The following CDKAL1 variants were observed in gnomAD, a reference collection of about 807,000 sequenced individuals.
CDKAL1 encodes the protein threonylcarbamoyladenosine tRNA methylthiotransferase.
In CDKAL1, 32 loss-of-function variants were observed where a neutral mutation model predicts 68.2. That is an observed-to-expected ratio of 0.47 (90% CI 0.35 to 0.63). CDKAL1 has a LOEUF of 0.63. CDKAL1 is among the 30% of genes least tolerant of loss of function. The probability of loss-of-function intolerance (pLI) is 0.00; values close to 1 mark genes in which losing one functional copy is unlikely to be tolerated. For missense variants in CDKAL1, 606 were observed against 696.7 expected (o/e 0.87, Z 1.47); for synonymous variants, 234 against 244.3 (o/e 0.96, Z 0.39).
intron 4 of CDKAL1, among the ~76,000 whole-genome samples, chr6:20,616,102 G>A (rs1320009028): frequency 1.1e-4 from 17 of 148,288 alleles, no homozygotes; most frequent in South Asian, 4.3e-4. Flanking sequence ...GATATGCGGC[G>A]TTATTTCTGA....
intron 5 of CDKAL1, among the ~76,000 whole-genome samples, chr6:20,666,553 T>C (rs889231391): frequency 6.6e-6 from 1 of 152,158 alleles, no homozygotes; most frequent in African/African-American, 2.4e-5. Flanking sequence ...ACAAATCTTA[T>C]GCCGTCTTAG....
chr6:20,891,662 GTATCTGGGACTACAGGCAT>G (rs1761409983), intron 9 of CDKAL1, among the ~76,000 whole-genome samples: 1 of 151,606 alleles, frequency 6.6e-6, no homozygotes, highest in African/African-American at 2.4e-5. Context: ...AGCCTCCCGA[GTATCTGGGACTACAGGCAT>G]GCGCCACCAT....
chr6:20,603,076 A>G (rs900428727), intron 4 of CDKAL1, among the ~76,000 whole-genome samples: 1 of 152,024 alleles, frequency 6.6e-6, no homozygotes, highest in African/African-American at 2.4e-5. Flanking sequence ...TTATTCAGTG[A>G]TTTTTCTTCC....
chr6:20,954,653 C>G (rs1393200625), intron 9 of CDKAL1, among the ~76,000 whole-genome samples: 1 of 151,712 alleles, frequency 6.6e-6, no homozygotes, highest in Non-Finnish European at 1.5e-5. Flanking sequence ...TTTTAAATAA[C>G]ATGAGGGGGA....
At chr6:20,692,114 A>T (rs1770896444) in intron 5 of CDKAL1, among the ~76,000 whole-genome samples, 1 of 152,182 alleles carries the variant, frequency 6.6e-6, no homozygotes, top group Non-Finnish European at 1.5e-5. Flanking sequence ...TTTACATAAG[A>T]TTACTATCTA....
intron 8 of CDKAL1, among the ~76,000 whole-genome samples, chr6:20,800,150 TTTTTC>T (rs55657338): frequency 3.3e-5 from 5 of 151,530 alleles, no homozygotes; most frequent in East Asian, 3.9e-4. Context: ...CTCAGCAGCC[TTTTTC>T]TTTTCTTTTC....
chr6:20,679,608 T>A (rs1770282069), intron 5 of CDKAL1, among the ~76,000 whole-genome samples: 1 of 152,244 alleles, frequency 6.6e-6, no homozygotes, highest in Non-Finnish European at 1.5e-5. Flanking sequence ...GATTCTTGTG[T>A]GTTAAAAACT....
At chr6:21,169,636 C>T (rs545189395) in intron 13 of CDKAL1, among the ~76,000 whole-genome samples, 6 of 152,184 alleles carry the variant, frequency 3.9e-5, no homozygotes, top group Middle Eastern at 6.8e-3. Flanking sequence ...GACTCTGTCT[C>T]AGAAGAAAAG....
At chr6:21,205,248 A>G (rs10456243) in intron 15 of CDKAL1, among the ~76,000 whole-genome samples, 72,351 of 151,986 alleles carry the variant, frequency 0.48, 17,947 homozygotes, top group African/African-American at 0.62. Context: ...TATGAATAAT[A>G]TTTGCTATGA....
intron 15 of CDKAL1, among the ~76,000 whole-genome samples, chr6:21,205,831 T>C (rs62404546): frequency 5.4e-5 from 2 of 37,126 alleles, no homozygotes; most frequent in East Asian, 7.2e-4. Flanking sequence ...GCGCCCAGCC[T>C]TTTTTTTTTT....
At chr6:20,880,111 T>C (rs1760733486) in intron 9 of CDKAL1, among the ~76,000 whole-genome samples, 1 of 152,202 alleles carries the variant, frequency 6.6e-6, no homozygotes, top group Non-Finnish European at 1.5e-5. Context: ...TTTTACTCTT[T>C]AGAATTATAT....
At chr6:21,020,257 T>C (rs945496218) in intron 11 of CDKAL1, among the ~76,000 whole-genome samples, 1 of 152,166 alleles carries the variant, frequency 6.6e-6, no homozygotes, top group Non-Finnish European at 1.5e-5. Context: ...ATGTATTTAA[T>C]GGCGGGGGCA....
At position 20,892,468 on chromosome 6, in the gene CDKAL1, G is replaced by C. The variant is rs149053175; in HGVS notation, c.742+46290G>C. On this transcript the variant is annotated intron_variant, in intron 9 of 15. Coordinates refer to ENST00000274695, the MANE Select transcript of CDKAL1 (RefSeq NM_017774.3). The stretch of plus-strand genomic sequence containing the variant: ...TATTTATAGGTGAAATGACGTATCT[G>C]AGATTTTGCCTCAAAATCCTTGGTG... 4.1e-3 allele frequency among the ~76,000 whole-genome samples: 624 copies of C among 152,274 alleles called. 2 individuals carry two copies. Among genetic ancestry groups the C allele is most frequent in the African/African-American group, 0.014 (596 of 41,538 alleles).
In CDKAL1 at chr6:20,638,923, C is replaced by T. The variant is rs567305782; in HGVS notation, c.287-10370C>T. 8.5e-4 allele frequency among the ~76,000 whole-genome samples: 130 copies of T among 152,170 alleles called. 1 individual carries two copies. Among genetic ancestry groups the T allele is most frequent in the African/African-American group, 2.7e-3 (111 of 41,510 alleles). ...CTAGGATTATAGGCATGAACCACCG[C>T]GCCCGGCCTAGGGATTCTCTAGATG... On this transcript the variant is annotated intron_variant, in intron 4 of 15. Coordinates refer to ENST00000274695, the MANE Select transcript of CDKAL1 (RefSeq NM_017774.3).
At chr6:21,188,537 C>T (rs1023057622) in intron 13 of CDKAL1, among the ~76,000 whole-genome samples, 5 of 152,066 alleles carry the variant, frequency 3.3e-5, no homozygotes, top group East Asian at 1.9e-4. Context: ...TTTAGGTTTG[C>T]GCTTTTCATA....
chr6:20,965,465 A>G (rs1035501735), intron 10 of CDKAL1, among the ~76,000 whole-genome samples: 9 of 152,014 alleles, frequency 5.9e-5, no homozygotes, highest in African/African-American at 1.7e-4. Context: ...TCATAGTTGA[A>G]TATCTATCCT....
At chr6:21,211,566 C>T (rs12201217) in intron 15 of CDKAL1, among the ~76,000 whole-genome samples, 59,127 of 151,946 alleles carry the variant, frequency 0.39, 11,596 homozygotes, top group Admixed American at 0.44. Context: ...AGACGATTGC[C>T]GGTGAACCAG....
chr6:21,119,864 T>A (rs901881143), intron 13 of CDKAL1, among the ~76,000 whole-genome samples: 11 of 152,300 alleles, frequency 7.2e-5, no homozygotes, highest in Non-Finnish European at 1.5e-4. Context: ...CCATTCTCCC[T>A]TGTAAGAGTC....
Position 20,667,134 on chromosome 6 carries a change from G to A in CDKAL1, c.371+17757G>A, listed in dbSNP as rs548656701. ...TACTTGTCCTGAATGGCAGGCTTAAGGATTTTCCAAAGTAAATGATGTTTG... is the reference window on the plus strand; with the variant it reads ...TACTTGTCCTGAATGGCAGGCTTAAAGATTTTCCAAAGTAAATGATGTTTG... On this transcript the variant is annotated intron_variant, in intron 5 of 15. Coordinates refer to ENST00000274695, the MANE Select transcript of CDKAL1 (RefSeq NM_017774.3). 3.3e-5 allele frequency among the ~76,000 whole-genome samples: 5 copies of A among 152,254 alleles called. No homozygotes were observed. In the South Asian group the frequency reaches 1.0e-3, roughly 32 times the overall value.
Sources: allele counts gnomAD v4.1 joint callset (sites outside exome capture counted in the v4.1 genomes callset), GRCh38; gene constraint gnomAD v4.1.1; transcripts MANE v1.5; gene names NCBI Gene and HGNC (gene_info 2026-07-23, HGNC 2026-07-21).